Variants in RABGAP1L observed in about 807,000 individuals in gnomAD.
The protein encoded by RABGAP1L is RAB GTPase activating protein 1 like, also known as rab GTPase-activating protein 1-like.
Under a neutral mutation model 137.7 loss-of-function variants are expected in RABGAP1L, and 63 were observed. The ratio of observed to expected loss-of-function variants is 0.46; its 90% CI spans 0.37 to 0.56. The LOEUF (loss-of-function observed/expected upper bound fraction) is 0.56, where lower values mean the gene tolerates loss of function less well. Ranked by LOEUF, RABGAP1L falls within the 20% of genes least tolerant of loss-of-function variation. The pLI, the probability that RABGAP1L is intolerant of heterozygous loss-of-function variation, is 0.00. For synonymous variants in RABGAP1L, 431 were observed against 433.7 expected (o/e 0.99, Z 0.08); for missense variants, 1,095 against 1,244.0 (o/e 0.88, Z 1.80).
At chr1:174,204,848 C>G (rs888821507) in intron 1 of RABGAP1L, among the ~76,000 whole-genome samples, 12 of 152,162 alleles carry the variant, frequency 7.9e-5, no homozygotes, top group Non-Finnish European at 1.5e-4. Context: ...CTCTTTCCTG[C>G]TCCTCCATGG....
At chr1:174,387,327 A>G (rs893772504) in intron 12 of RABGAP1L, among the ~76,000 whole-genome samples, 2 of 152,164 alleles carry the variant, frequency 1.3e-5, no homozygotes, top group Admixed American at 1.3e-4. Flanking sequence ...GATAGTTTCT[A>G]CCCTCAAGGT....
At chr1:174,479,810 A>G (rs988619710) in intron 13 of RABGAP1L, among the ~76,000 whole-genome samples, 2 of 152,220 alleles carry the variant, frequency 1.3e-5, no homozygotes, top group Non-Finnish European at 2.9e-5. Flanking sequence ...GGTTAGAAAT[A>G]GTAGATGAGT....
At chr1:174,969,177 C>A in intron 20 of RABGAP1L, 100 bp from the exon 21 acceptor site, 1 of 905,602 alleles carries the variant, frequency 1.1e-6, no homozygotes, top group Non-Finnish European at 1.7e-6. Context: ...CTTTTTACAC[C>A]TTTGAAAGTT....
intron 19 of RABGAP1L, among the ~76,000 whole-genome samples, chr1:174,848,516 G>C (rs1176509554): frequency 2.0e-5 from 3 of 149,376 alleles, no homozygotes. Context: ...CCCTGCTGGG[G>C]GGTGCCTCCC....
At chr1:174,492,121 A>G (rs1660295593) in intron 13 of RABGAP1L, among the ~76,000 whole-genome samples, 1 of 151,500 alleles carries the variant, frequency 6.6e-6, no homozygotes, top group South Asian at 2.1e-4. Flanking sequence ...TCTTGGGAAG[A>G]CAATCAGTGT....
intron 13 of RABGAP1L, among the ~76,000 whole-genome samples, chr1:174,596,683 C>T (rs1373519974): frequency 6.6e-6 from 1 of 152,068 alleles, no homozygotes; most frequent in Non-Finnish European, 1.5e-5. Context: ...TGACTTCTTC[C>T]ATTTCAGTTT....
chr1:174,918,972 G>A (rs1203124181), intron 19 of RABGAP1L, among the ~76,000 whole-genome samples: 2 of 151,876 alleles, frequency 1.3e-5, no homozygotes, highest in African/African-American at 2.4e-5. Flanking sequence ...AGCTCTGATC[G>A]TGCCACTGCA....
At chr1:174,703,727 A>G (rs987273191) in intron 17 of RABGAP1L, among the ~76,000 whole-genome samples, 1 of 152,176 alleles carries the variant, frequency 6.6e-6, no homozygotes, top group African/African-American at 2.4e-5. Flanking sequence ...TCTTTTCTCT[A>G]CATCCTCACT....
rs532865160 is a variant in RABGAP1L at position 174,887,864 on chromosome 1, A to G, written c.2341-69593A>G. 1.6e-4 allele frequency among the ~76,000 whole-genome samples: 25 copies of G among 152,066 alleles called. No individual in the cohort carries two copies. The South Asian group carries it at 5.0e-3, about 30-fold the overall frequency. On this transcript the variant is annotated intron_variant, in intron 19 of 25. Coordinates refer to ENST00000681986, the MANE Select transcript of RABGAP1L (RefSeq NM_001366446.1). ...AGCCTGGCCAACATAGCAAAACCCA[A>G]TCTCTACCAAAAAAATACAAAAATT... is the stretch of plus-strand genomic sequence containing the variant.
chr1:174,691,782 A>G (rs993779483), intron 15 of RABGAP1L, among the ~76,000 whole-genome samples: 6 of 152,168 alleles, frequency 3.9e-5, no homozygotes, highest in Admixed American at 1.3e-4. Context: ...ATCTTATTCT[A>G]TGAAGCATTA....
intron 13 of RABGAP1L, among the ~76,000 whole-genome samples, chr1:174,571,061 A>G (rs1667942843): frequency 6.6e-6 from 1 of 152,204 alleles, no homozygotes. Flanking sequence ...AATGTTGTAC[A>G]TTTCCACAAT....
chr1:174,407,990 T>A (rs1649475512), intron 13 of RABGAP1L, among the ~76,000 whole-genome samples: 1 of 152,146 alleles, frequency 6.6e-6, no homozygotes, highest in African/African-American at 2.4e-5. Flanking sequence ...GGGTTGAAAA[T>A]TTTACAGTTG....
chr1:174,383,318 C>T (rs1402776697), intron 12 of RABGAP1L, among the ~76,000 whole-genome samples: 1 of 151,440 alleles, frequency 6.6e-6, no homozygotes. Flanking sequence ...TGGGCTCCAC[C>T]CAGTTCGAGC....
chr1:174,297,313 G>T (rs905347921), intron 10 of RABGAP1L, among the ~76,000 whole-genome samples: 1 of 152,158 alleles, frequency 6.6e-6, no homozygotes, highest in Non-Finnish European at 1.5e-5. Context: ...ATGGTTTGAA[G>T]GGTGAGTAAA....
intron 13 of RABGAP1L, among the ~76,000 whole-genome samples, chr1:174,607,102 T>C (rs2148193144): frequency 6.6e-6 from 1 of 152,280 alleles, no homozygotes; most frequent in Middle Eastern, 3.4e-3. Flanking sequence ...TAAGGACTAA[T>C]TTTTAATATC....
Position 174,305,115 on chromosome 1 carries a change from G to GA in RABGAP1L, c.1455dup (p.Ala486SerfsTer6). 6.5e-7 allele frequency: 1 copy of GA among 1,533,192 alleles called. No individual in the cohort carries two copies. Among genetic ancestry groups the GA allele is most frequent in the Non-Finnish European group, 8.7e-7 (1 of 1,150,964 alleles). The allele number at this position is 1,533,192 out of a possible 1,614,324, so 95.0% of individuals were successfully genotyped here. A position where few individuals can be genotyped will look rare whatever the true frequency, so the allele number is the denominator to read the frequency against. The stretch of plus-strand genomic sequence containing the variant: ...GGGTCCAATGTCACCCCAGGATGAT[G>GA]AAGCAGAAGAGGGTAAGAAGTTGGA... On this transcript the variant is annotated frameshift_variant, in exon 11 of 26. Coordinates refer to ENST00000681986, the MANE Select transcript of RABGAP1L (RefSeq NM_001366446.1). LOFTEE classifies it high-confidence loss of function.
At position 174,571,285 on chromosome 1, in the gene RABGAP1L, G is replaced by A. The variant is rs368525971; in HGVS notation, c.1711-66090G>A. On this transcript the variant is annotated intron_variant, in intron 13 of 25. Transcript: ENST00000681986. ...CAGAGGCTGGGAAGGGTAGTTTTGG[G>A]AGGCAGGGTTGCAGGGGAGGAGGGA... is the stretch of plus-strand genomic sequence containing the variant. 5.9e-5 allele frequency among the ~76,000 whole-genome samples: 9 copies of A among 152,252 alleles called. No homozygotes were observed. The South Asian group carries it at 1.0e-3, about 18-fold the overall frequency.
At chr1:174,375,363 AG>A (rs1291601526) in intron 12 of RABGAP1L, among the ~76,000 whole-genome samples, 1 of 151,898 alleles carries the variant, frequency 6.6e-6, no homozygotes, top group Non-Finnish European at 1.5e-5. Flanking sequence ...CAAGGAAATA[AG>A]AACAGAAATA....
At chr1:174,438,005 A>G (rs1205635683) in intron 13 of RABGAP1L, among the ~76,000 whole-genome samples, 1 of 152,232 alleles carries the variant, frequency 6.6e-6, no homozygotes, top group African/African-American at 2.4e-5. Context: ...ACTCCTTTAC[A>G]GACAAGCAAA....
Sources: gnomAD v4.1 joint callset for allele counts (sites outside exome capture counted in the v4.1 genomes callset) on GRCh38, gnomAD v4.1.1 for gene constraint, MANE v1.5 for transcripts, NCBI Gene and HGNC (gene_info 2026-07-23, HGNC 2026-07-21) for gene names.